PLOD1: variants seen among roughly 807,000 people sequenced by gnomAD.
PLOD1 encodes the protein lysine hydroxylase.
PLOD1 carries 70 observed loss-of-function variants against 94.7 expected under a neutral mutation model. The observed-to-expected ratio is 0.74, with a 90% CI of 0.61 to 0.90. The LOEUF is 0.90. Ranked by LOEUF, PLOD1 falls within the 40% of genes least tolerant of loss-of-function variation. PLOD1 has a pLI of 0.00. For synonymous variants in PLOD1, 417 were observed against 400.2 expected, an observed-to-expected ratio of 1.04 and a Z score of -0.50; for missense variants, 905 against 972.7, an observed-to-expected ratio of 0.93 and a Z score of 0.93.
In PLOD1 at chr1:11,958,368, CT is replaced by C; in HGVS notation, c.844-147del. The C allele has an allele frequency of 2.3e-6, 2 of 879,060 alleles. No individual in the cohort carries two copies. The highest frequency in any genetic ancestry group is 3.6e-6 in the Non-Finnish European group (2 of 549,380). The allele number at this position is 879,060 out of a possible 1,614,324, so 54.5% of individuals were successfully genotyped here. ...CTGCTTCCCTGCCCCCCCGTACCCC[CT>C]GACTGGAGTTCCCCGGCCCGGGCAC... On this transcript the variant is annotated intron_variant, in intron 8 of 18. Coordinates refer to ENST00000196061, the MANE Select transcript of PLOD1 (RefSeq NM_000302.4). The surrounding 1 kb of genome is among the most constrained non-coding windows in gnomAD (Gnocchi z 4.3).
In PLOD1 at chr1:11,972,699, CT is replaced by C; in HGVS notation, c.1903-169del. 1.6e-6 allele frequency: 1 copy of C among 626,566 alleles called. No homozygotes were observed. The highest frequency in any genetic ancestry group is 2.9e-6 in the Non-Finnish European group (1 of 342,818). The allele number at this position is 626,566 out of a possible 1,614,324, so 38.8% of individuals were successfully genotyped here. On this transcript the variant is annotated intron_variant, in intron 17 of 18. Transcript: ENST00000196061. This position sits in a 1 kb window ranked among gnomAD's most constrained non-coding sequence, Gnocchi z 4.6. Reference sequence around the variant, plus strand: ...CTGTCCATACATTTTTGTTGAGAACCTTTTCTGTGCCAGGTAGTTGCAGGCA... The same window carrying C: ...CTGTCCATACATTTTTGTTGAGAACCTTTCTGTGCCAGGTAGTTGCAGGCA...
rs201999965 is a variant in PLOD1 at position 11,966,316 on chromosome 1, G to C, written c.1650G>C (p.Thr550=). Residue 550 remains threonine (T), a splice_region_variant and synonymous_variant, in exon 15 of 19, where the codon ACG becomes ACC. Coordinates refer to ENST00000196061, the MANE Select transcript of PLOD1 (RefSeq NM_000302.4). Reference sequence around the variant, plus strand: ...CCCTGGCAGGGAAGCTGGTGGAGACGGTAAGGGCCATGGACACCCTCTTGG... The same window carrying C: ...CCCTGGCAGGGAAGCTGGTGGAGACCGTAAGGGCCATGGACACCCTCTTGG... ...TKALAGKLVE[T]PCPDVYWFPI... The C allele has an allele frequency of 6.2e-7, 1 of 1,602,884 alleles. No individual in the cohort carries two copies. Among genetic ancestry groups the C allele is most frequent in the Non-Finnish European group, 8.5e-7 (1 of 1,173,922 alleles).
At chr1:11,964,550 TCCAGGC>T in intron 12 of PLOD1, 88 bp from the exon 13 acceptor site, 1 of 1,283,742 alleles carries the variant, frequency 7.8e-7, no homozygotes, top group Non-Finnish European at 1.1e-6. Context: ...ACACCCAGAC[TCCAGGC>T]TATGACTCCC....
rs147467676 is a variant in PLOD1, at chr1:11,953,187, C to T, written c.579+452C>T. 6.7e-3 allele frequency among the ~76,000 whole-genome samples: 1,023 copies of T among 152,102 alleles called. 15 individuals are homozygous for T. The highest frequency in any genetic ancestry group is 0.022 in the African/African-American group (925 of 41,496). On this transcript the variant is annotated intron_variant, in intron 5 of 18. Coordinates refer to ENST00000196061, the MANE Select transcript of PLOD1 (RefSeq NM_000302.4). ...TCTCGAGCCTCAGCGTCTCGAGTAG[C>T]GGGGACTACAGGCGTGCACCACCAC...
rs1221244522 is a variant in PLOD1, at chr1:11,957,776, A to G, written c.742-66A>G. ...GCTGACCCACTGGGGGCCCAGGGAGATGTGAGTCAGGGCTATGGCAGGTGG... is the reference window on the plus strand; with the variant it reads ...GCTGACCCACTGGGGGCCCAGGGAGGTGTGAGTCAGGGCTATGGCAGGTGG... On this transcript the variant is annotated intron_variant, in intron 7 of 18. Coordinates refer to ENST00000196061, the MANE Select transcript of PLOD1 (RefSeq NM_000302.4). The surrounding 1 kb of genome is among the most constrained non-coding windows in gnomAD (Gnocchi z 4.1). 1.9e-6 allele frequency: 2 copies of G among 1,054,454 alleles called. No individual in the cohort carries two copies. The highest frequency in any genetic ancestry group is 1.7e-5 in the Admixed American group (1 of 59,340). 65.3% of individuals were successfully genotyped at this position (1,054,454 alleles called of 1,614,324 possible).
chr1:11,950,045 C>T (rs559522874), intron 3 of PLOD1, 139 bp downstream of exon 3: 16 of 928,578 alleles, frequency 1.7e-5, no homozygotes, highest in East Asian at 2.4e-5. Flanking sequence ...TGTCCATTCC[C>T]GGTCTTAGTA....
At chr1:11,936,048 T>C (rs1472801971) in intron 1 of PLOD1, among the ~76,000 whole-genome samples, 1 of 152,010 alleles carries the variant, frequency 6.6e-6, no homozygotes, top group African/African-American at 2.4e-5. Context: ...AGGCTGGTCT[T>C]GAACTCTTGA....
At chr1:11,950,051 T>C (rs1293551031) in intron 3 of PLOD1, 145 bp downstream of exon 3, 1 of 896,444 alleles carries the variant, frequency 1.1e-6, no homozygotes, top group Non-Finnish European at 1.9e-6. Flanking sequence ...TTCCCGGTCT[T>C]AGTAAAGCCC....
intron 16 of PLOD1, 44 bp downstream of exon 16, chr1:11,967,135 C>T: frequency 3.1e-6 from 4 of 1,284,630 alleles, no homozygotes; most frequent in Non-Finnish European, 3.4e-6. Flanking sequence ...GAGGCTGCCT[C>T]TCCATCAGTG....
At position 11,974,812 on chromosome 1, in the gene PLOD1, G is replaced by A. The variant is rs750397415; in HGVS notation, c.*4G>A. 23 of 1,613,916 alleles carry A rather than the reference G, an allele frequency of 1.4e-5. No individual in the cohort carries two copies. In the East Asian group the frequency reaches 4.9e-4, roughly 34 times the overall value. On this transcript the variant is annotated 3_prime_UTR_variant, in exon 19 of 19. Transcript: ENST00000196061. ...AGTCTCCTTCGTCGATCCCTAATTG[G>A]CCAGGCCTGACCCTCTTGGACCTTT... is the stretch of plus-strand genomic sequence containing the variant.
In PLOD1 at chr1:11,945,439, C is replaced by T. The variant is rs377766003; in HGVS notation, c.77-2537C>T. ...AGATTGGGTCTCAAAAAAAAAAACCCAAAAAACAAAAACAAGAAAGGGGAC... is the reference window on the plus strand; with the variant it reads ...AGATTGGGTCTCAAAAAAAAAAACCTAAAAAACAAAAACAAGAAAGGGGAC... On this transcript the variant is annotated intron_variant, in intron 1 of 18. Coordinates refer to ENST00000196061, the MANE Select transcript of PLOD1 (RefSeq NM_000302.4). 9.4e-4 allele frequency among the ~76,000 whole-genome samples: 142 copies of T among 151,540 alleles called. 1 individual carries two copies. The highest frequency in any genetic ancestry group is 2.9e-3 in the African/African-American group (121 of 41,394).
chr1:11,968,508 TTTC>T (rs1451890113), intron 16 of PLOD1, among the ~76,000 whole-genome samples: 4 of 151,744 alleles, frequency 2.6e-5, no homozygotes, highest in Admixed American at 2.6e-4. Context: ...CACCTCTGAT[TTTC>T]TTTTTTCTTT....
Position 11,960,631 on chromosome 1 carries a change from CAT to C in PLOD1, c.976-14_976-13del. 2 of 1,596,752 alleles carry C rather than the reference CAT, an allele frequency of 1.3e-6. No individual in the cohort carries two copies. Among genetic ancestry groups the C allele is most frequent in the Non-Finnish European group, 1.7e-6 (2 of 1,166,514 alleles). ...CTCCTCACCCCCGCATCCCCTTCCC[CAT>C]CCCCAACCCCAGGAGCAGCACCACA... On this transcript the variant is annotated splice_polypyrimidine_tract_variant and intron_variant, in intron 9 of 18. Transcript: ENST00000196061.
chr1:11,962,206 A>G (rs1645782564), intron 10 of PLOD1, among the ~76,000 whole-genome samples: 1 of 151,624 alleles, frequency 6.6e-6, no homozygotes, highest in Non-Finnish European at 1.5e-5. Context: ...CTGGGATTAC[A>G]GGCATGAGCC....
intron 18 of PLOD1, among the ~76,000 whole-genome samples, chr1:11,973,544 G>A (rs544094195): frequency 2.0e-5 from 3 of 152,126 alleles, no homozygotes; most frequent in Admixed American, 2.0e-4. Flanking sequence ...CCTGGGCTGG[G>A]TGCTGTGGAG....
Position 11,964,313 on chromosome 1 carries a change from A to C in PLOD1, c.1328+13A>C. On this transcript the variant is annotated intron_variant, in intron 12 of 18. Coordinates refer to ENST00000196061, the MANE Select transcript of PLOD1 (RefSeq NM_000302.4). ...AGGGGCGGCGTGTGTGAGTACCTGC[A>C]GGGTGGGGGTGGGTGGGGGACACCT... The C allele has an allele frequency of 3.5e-6, 1 of 283,548 alleles. No homozygotes were observed. Among genetic ancestry groups the C allele is most frequent in the Non-Finnish European group, 6.7e-6 (1 of 148,504 alleles). 17.6% of individuals were successfully genotyped at this position (283,548 alleles called of 1,614,324 possible).
chr1:11,943,300 C>CTTTCTTTT (rs112531381), intron 1 of PLOD1, among the ~76,000 whole-genome samples: 1 of 141,446 alleles, frequency 7.1e-6, no homozygotes, highest in African/African-American at 2.6e-5. Flanking sequence ...TTTTTTCTTT[C>CTTTCTTTT]TTTTTTTTTT....
chr1:11,955,600 A>C (rs1007921621), intron 6 of PLOD1, among the ~76,000 whole-genome samples: 1 of 152,070 alleles, frequency 6.6e-6, no homozygotes, highest in Non-Finnish European at 1.5e-5. Context: ...AGATCCACGC[A>C]GGTCAGGAGC....
At position 11,972,865 on chromosome 1, in the gene PLOD1, G is replaced by A; in HGVS notation, c.1903-7G>A. 6.2e-7 allele frequency: 1 copy of A among 1,613,910 alleles called. No homozygotes were observed. The highest frequency in any genetic ancestry group is 8.5e-7 in the Non-Finnish European group (1 of 1,179,874). ...ACGGGCTCTCTTGTCCCCCTGCCTT[G>A]GTACAGGCCCAGTTTGACCTGGCCT... is the stretch of plus-strand genomic sequence containing the variant. On this transcript the variant is annotated splice_polypyrimidine_tract_variant and splice_region_variant and intron_variant, in intron 17 of 18. Transcript: ENST00000196061. The surrounding 1 kb of genome is among the most constrained non-coding windows in gnomAD (Gnocchi z 4.6).
Sources: gnomAD v4.1 joint callset for allele counts (sites outside exome capture counted in the v4.1 genomes callset) on GRCh38, gnomAD v4.1.1 for gene constraint, Gnocchi (gnomAD v3.1) non-coding constraint, MANE v1.5 for transcripts, NCBI Gene and HGNC (gene_info 2026-07-23, HGNC 2026-07-21) for gene names.